PLB1: variants seen among roughly 807,000 people sequenced by gnomAD.
The protein encoded by PLB1 is phospholipase B1, also known as phospholipase B1, membrane-associated.
Under a neutral mutation model 227.4 loss-of-function variants are expected in PLB1, and 242 were observed. That is an observed-to-expected ratio of 1.06 (90% CI 0.96 to 1.18). The LOEUF is 1.18. PLB1 is among the 50% of genes most tolerant of loss of function. The pLI is 0.00. For missense variants in PLB1, 1,858 were observed against 1,816.3 expected, an observed-to-expected ratio of 1.02 and a Z score of -0.42; for synonymous variants, 757 against 682.2, an observed-to-expected ratio of 1.11 and a Z score of -1.71.
chr2:28,507,166 G>T (rs187710138), intron 1 of PLB1, among the ~76,000 whole-genome samples: 1 of 152,186 alleles, frequency 6.6e-6, no homozygotes, highest in South Asian at 2.1e-4. Context: ...ACCTGCCATC[G>T]TCAAGGTCTG....
chr2:28,594,885 A>AG (rs1210892375), intron 33 of PLB1: 2 of 150,774 alleles, frequency 1.3e-5, no homozygotes, highest in African/African-American at 5.0e-5. Context: ...AAAAAACCAG[A>AG]GGAGAGAAAG....
chr2:28,534,288 A>T (rs1294791665), intron 9 of PLB1, among the ~76,000 whole-genome samples: 3 of 152,238 alleles, frequency 2.0e-5, no homozygotes, highest in Admixed American at 6.5e-5. Context: ...TACAATGAAC[A>T]GTCTTGCTCA....
At chr2:28,511,802 T>TTTTTTTTTTTTG in intron 1 of PLB1, among the ~76,000 whole-genome samples, 1 of 151,250 alleles carries the variant, frequency 6.6e-6, no homozygotes. Context: ...TTTTTTTTTT[T>TTTTTTTTTTTTG]GAGATGGAGT....
chr2:28,532,158 TGCAA>T lies in PLB1; in HGVS notation c.522_525del (p.Gln176ValfsTer20), dbSNP rs1558684592. ...AGCTCATCAATGTGTTCTTCAGTAA[TGCAA>T]GCCAGTGTTACCTGTGCCCCTCTGC... On this transcript the variant is annotated frameshift_variant, in exon 9 of 58. Transcript: ENST00000327757. LOFTEE classifies it high-confidence loss of function. The T allele has an allele frequency of 2.5e-6, 4 of 1,613,426 alleles. No individual in the cohort carries two copies. The highest frequency in any genetic ancestry group is 3.4e-6 in the Non-Finnish European group (4 of 1,179,770).
intron 56 of PLB1, among the ~76,000 whole-genome samples, chr2:28,640,463 G>A (rs1689841843): frequency 1.3e-5 from 2 of 152,174 alleles, no homozygotes; most frequent in Non-Finnish European, 2.9e-5. Flanking sequence ...TGATGTCATG[G>A]TAACCAATAT....
intron 6 of PLB1, among the ~76,000 whole-genome samples, chr2:28,528,524 C>G (rs962673897): frequency 6.6e-6 from 1 of 152,228 alleles, no homozygotes; most frequent in Non-Finnish European, 1.5e-5. Flanking sequence ...GAGTCCCTGT[C>G]CCAGCATCAC....
intron 40 of PLB1, 124 bp downstream of exon 40, chr2:28,604,171 G>GA: frequency 1.1e-6 from 1 of 896,356 alleles, no homozygotes; most frequent in Non-Finnish European, 1.8e-6. Flanking sequence ...GGGAGACGGG[G>GA]AGCAGCCTGG....
intron 40 of PLB1, 30 bp downstream of exon 40, chr2:28,604,077 C>T (rs1269130019): frequency 3.2e-6 from 5 of 1,574,294 alleles, no homozygotes; most frequent in Non-Finnish European, 4.4e-6. Context: ...CATGCTGTGT[C>T]CTCTCCCCTA....
intron 14 of PLB1, 24 bp from the exon 15 acceptor site, chr2:28,548,836 T>A: frequency 6.2e-7 from 1 of 1,613,746 alleles, no homozygotes; most frequent in South Asian, 1.1e-5. Context: ...ACTTCCCTGT[T>A]CTAAAGCCCA....
intron 56 of PLB1, 98 bp downstream of exon 56, chr2:28,633,137 T>C: frequency 9.5e-7 from 1 of 1,052,232 alleles, no homozygotes; most frequent in Non-Finnish European, 1.4e-6. Context: ...CATGGCTCCT[T>C]TCTCCCCAAA....
intron 4 of PLB1, among the ~76,000 whole-genome samples, chr2:28,523,307 G>A (rs1376384507): frequency 6.7e-6 from 1 of 150,274 alleles, no homozygotes; most frequent in African/African-American, 2.5e-5. Context: ...ACCTAAATAG[G>A]GTCATACTGC....
chr2:28,598,091 C>A, intron 34 of PLB1, 43 bp downstream of exon 34: 1 of 1,550,532 alleles, frequency 6.4e-7, no homozygotes, highest in Non-Finnish European at 8.8e-7. Flanking sequence ...CTGTTCCACC[C>A]ATCTGGCCCC....
intron 37 of PLB1, 101 bp from the exon 38 acceptor site, chr2:28,601,798 A>C: frequency 1.0e-6 from 1 of 997,574 alleles, no homozygotes; most frequent in South Asian, 1.3e-5. Flanking sequence ...TAGAGGGGGA[A>C]CAAGTCCTCA....
intron 43 of PLB1, among the ~76,000 whole-genome samples, chr2:28,607,306 T>G (rs573432054): frequency 2.4e-3 from 371 of 152,254 alleles, no homozygotes; most frequent in African/African-American, 8.0e-3. Flanking sequence ...GTTTCCCTCC[T>G]AGGTCGGCCA....
chr2:28,582,232 G>A, intron 24 of PLB1, 99 bp downstream of exon 24: 3 of 1,410,124 alleles, frequency 2.1e-6, no homozygotes, highest in Non-Finnish European at 3.0e-6. Flanking sequence ...GGTCACCTTT[G>A]TTGTGGATCC....
intron 6 of PLB1, among the ~76,000 whole-genome samples, chr2:28,527,206 G>T (rs895146659): frequency 2.6e-5 from 4 of 152,160 alleles, no homozygotes; most frequent in Non-Finnish European, 5.9e-5. Context: ...CTCCCAATTT[G>T]CCCTGTTACA....
chr2:28,511,503 G>A (rs1036663137), intron 1 of PLB1, among the ~76,000 whole-genome samples: 3 of 152,076 alleles, frequency 2.0e-5, no homozygotes, highest in Admixed American at 2.0e-4. Context: ...CGTCCCAACT[G>A]GGATCATTTT....
intron 21 of PLB1, among the ~76,000 whole-genome samples, chr2:28,576,689 C>CA (rs1216839836): frequency 6.6e-6 from 1 of 152,088 alleles, no homozygotes; most frequent in Non-Finnish European, 1.5e-5. Flanking sequence ...GAGATCACGC[C>CA]ATTGCACTAC....
At chr2:28,584,466 CAG>C (rs907182121) in intron 25 of PLB1, among the ~76,000 whole-genome samples, 9 of 152,200 alleles carry the variant, frequency 5.9e-5, no homozygotes, top group South Asian at 2.1e-4. Flanking sequence ...CTGGGCCACA[CAG>C]GGGATCGGTG....
Sources: gnomAD v4.1 joint callset for allele counts (sites outside exome capture counted in the v4.1 genomes callset) on GRCh38, gnomAD v4.1.1 for gene constraint, MANE v1.5 for transcripts, NCBI Gene and HGNC (gene_info 2026-07-23, HGNC 2026-07-21) for gene names.